Variants in SHLD2 observed in about 807,000 individuals in gnomAD.
The protein encoded by SHLD2 is RINN1-REV7-interacting novel NHEJ regulator 2.
Under a neutral mutation model 73.2 loss-of-function variants are expected in SHLD2, and 30 were observed. That is an observed-to-expected ratio of 0.41 (90% CI 0.31 to 0.56). The LOEUF (loss-of-function observed/expected upper bound fraction) is 0.56, where lower values mean the gene tolerates loss of function less well. SHLD2 is among the 20% of genes least tolerant of loss of function. The pLI, the probability that SHLD2 is intolerant of heterozygous loss-of-function variation, is 0.28. For synonymous variants in SHLD2, 285 were observed against 370.1 expected (o/e 0.77, Z 2.64); for missense variants, 745 against 1,055.9 (o/e 0.71, Z 4.08).
chr10:87,128,089 T>C lies in SHLD2; in HGVS notation c.-5-23261T>C, dbSNP rs570006523. On this transcript the variant is annotated intron_variant, in intron 2 of 9. Coordinates refer to ENST00000298786, the MANE Select transcript of SHLD2 (RefSeq NM_001330112.2). ...TAATTTTTTTTCCCCTCAAATGTTA[T>C]ACAGTTTAATGAGTCAAGTGGTCTT... Among the ~76,000 whole-genome samples the C allele has an allele frequency of 3.9e-5, 6 of 152,284 alleles. No individual in the cohort carries two copies. The East Asian group carries it at 9.7e-4, about 25-fold the overall frequency.
In SHLD2 at chr10:87,170,836, C is replaced by T. The variant is rs1847548341; in HGVS notation, c.1829-4C>T. On this transcript the variant is annotated splice_region_variant and splice_polypyrimidine_tract_variant and intron_variant, in intron 5 of 9. Coordinates refer to ENST00000298786, the MANE Select transcript of SHLD2 (RefSeq NM_001330112.2). The stretch of plus-strand genomic sequence containing the variant: ...CAACTAAGGTACTCATTTTCCTTTT[C>T]CAGAGGCAGTATACAGTTATAGAGG... The T allele has an allele frequency of 1.2e-6, 2 of 1,611,798 alleles. No individual in the cohort carries two copies.
chr10:87,114,219 T>C (rs1420054818), intron 2 of SHLD2: 1 of 152,210 alleles, frequency 6.6e-6, no homozygotes, highest in African/African-American at 2.4e-5. Context: ...GAGAATACTC[T>C]GTTACTACCT....
chr10:87,111,716 A>C (rs978543389), intron 2 of SHLD2, among the ~76,000 whole-genome samples: 2 of 150,328 alleles, frequency 1.3e-5, no homozygotes, highest in African/African-American at 4.9e-5. Flanking sequence ...GGGCTCAAGC[A>C]ACCTGCCTGC....
intron 7 of SHLD2, among the ~76,000 whole-genome samples, chr10:87,178,235 CAAAAAAAAAA>C (rs71019476): frequency 3.5e-4 from 11 of 31,040 alleles, no homozygotes; most frequent in South Asian, 1.8e-3. Context: ...TACTCTGTCT[CAAAAAAAAAA>C]AAAAAAAAAA....
intron 2 of SHLD2, among the ~76,000 whole-genome samples, chr10:87,109,396 TCAA>T (rs1448074070): frequency 3.9e-5 from 6 of 151,982 alleles, no homozygotes; most frequent in Non-Finnish European, 7.4e-5. Flanking sequence ...CCTCCTAGAT[TCAA>T]GCGATTCTCC....
At chr10:87,143,427 C>T (rs114304554) in intron 2 of SHLD2, among the ~76,000 whole-genome samples, 5,105 of 152,242 alleles carry the variant, frequency 0.034, 223 homozygotes, top group Admixed American at 0.11. Flanking sequence ...TTACACAGAC[C>T]TGGCAGCCAT....
intron 3 of SHLD2, among the ~76,000 whole-genome samples, chr10:87,156,317 G>A (rs1272702102): frequency 3.3e-5 from 5 of 151,946 alleles, no homozygotes; most frequent in Non-Finnish European, 5.9e-5. Context: ...TGCCCACCTC[G>A]GCCTCCCAAA....
At chr10:87,132,481 A>G (rs1844497982) in intron 2 of SHLD2, among the ~76,000 whole-genome samples, 1 of 152,208 alleles carries the variant, frequency 6.6e-6, no homozygotes, top group African/African-American at 2.4e-5. Flanking sequence ...ATTAATATTA[A>G]AGATTATATT....
At chr10:87,118,933 C>T (rs1843418344) in intron 2 of SHLD2, among the ~76,000 whole-genome samples, 1 of 152,062 alleles carries the variant, frequency 6.6e-6, no homozygotes, top group African/African-American at 2.4e-5. Context: ...CTTGTTTCTT[C>T]CTCTAAAAAG....
intron 2 of SHLD2, among the ~76,000 whole-genome samples, chr10:87,132,233 TTGG>T: frequency 1.3e-5 from 2 of 152,220 alleles, no homozygotes; most frequent in Admixed American, 6.5e-5. Flanking sequence ...GATGTCAGAA[TTGG>T]TGTCATTTGT....
At chr10:87,127,542 C>CGCCCCCCG (rs1264990917) in intron 2 of SHLD2, among the ~76,000 whole-genome samples, 5 of 81,476 alleles carry the variant, frequency 6.1e-5, no homozygotes, top group South Asian at 3.9e-4. Context: ...CCCCCCCACC[C>CGCCCCCCG]CGTCTGCCAC....
At position 87,151,849 on chromosome 10, in the gene SHLD2, A is replaced by G. The variant is rs754811742; in HGVS notation, c.495A>G (p.Thr165=). 1.2e-6 allele frequency: 2 copies of G among 1,611,710 alleles called. No individual in the cohort carries two copies. Among genetic ancestry groups the G allele is most frequent in the South Asian group, 2.2e-5 (2 of 90,978 alleles). The change falls in exon 3 of 10, where the codon ACA becomes ACG. Residue 165 remains threonine, a synonymous_variant. Coordinates refer to ENST00000298786, the MANE Select transcript of SHLD2 (RefSeq NM_001330112.2). ...ATATATGTGGTAAGAACTTTAACAC[A>G]AATTTGTTTCAGTTGGGCCATAAAT... The part of the protein sequence containing the change: ...QPDICGKNFN[T]NLFQLGHKCA...
At chr10:87,161,250 A>T (rs1165190001) in intron 4 of SHLD2, among the ~76,000 whole-genome samples, 1 of 151,988 alleles carries the variant, frequency 6.6e-6, no homozygotes, top group African/African-American at 2.4e-5. Flanking sequence ...CCAGGAATTC[A>T]AGACCAGCCT....
At chr10:87,155,035 C>G (rs1263011857) in intron 3 of SHLD2, among the ~76,000 whole-genome samples, 1 of 152,066 alleles carries the variant, frequency 6.6e-6, no homozygotes, top group Non-Finnish European at 1.5e-5. Flanking sequence ...CCCGGGTTCA[C>G]GCCATTTTCC....
chr10:87,095,538 C>T (rs1056606131), intron 1 of SHLD2, among the ~76,000 whole-genome samples: 1 of 152,184 alleles, frequency 6.6e-6, no homozygotes, highest in Non-Finnish European at 1.5e-5. Flanking sequence ...AGAGCCGCCG[C>T]CGCGTAAGGC....
intron 1 of SHLD2, among the ~76,000 whole-genome samples, chr10:87,096,316 A>AT (rs1841882100): frequency 6.6e-6 from 1 of 151,748 alleles, no homozygotes; most frequent in African/African-American, 2.4e-5. Context: ...GAATGCTGGG[A>AT]TTACAGACGT....
intron 2 of SHLD2, among the ~76,000 whole-genome samples, chr10:87,128,941 C>T (rs867081036): frequency 2.0e-5 from 3 of 152,112 alleles, no homozygotes; most frequent in African/African-American, 4.8e-5. Flanking sequence ...ATCCCACTCT[C>T]GCCCAGGCTG....
Position 87,144,616 on chromosome 10 carries a change from A to ATTTTTTT in SHLD2, c.-5-6712_-5-6706dup, listed in dbSNP as rs548218721. On this transcript the variant is annotated intron_variant, in intron 2 of 9. Coordinates refer to ENST00000298786, the MANE Select transcript of SHLD2 (RefSeq NM_001330112.2). Reference sequence around the variant, plus strand: ...TAAATTTAGGTACAAGCATTTACTAATTTTTTTTTTTTTTTTTTTTTTTTT... The same window carrying ATTTTTTT: ...TAAATTTAGGTACAAGCATTTACTAATTTTTTTTTTTTTTTTTTTTTTTTTTTTTTTT... Among the ~76,000 whole-genome samples, 154 of 89,478 alleles carry ATTTTTTT rather than the reference A, an allele frequency of 1.7e-3. 4 individuals are homozygous for ATTTTTTT. Among genetic ancestry groups the ATTTTTTT allele is most frequent in the Non-Finnish European group, 2.1e-3 (107 of 50,366 alleles). The allele number at this position is 89,478 out of a possible 152,430, so 58.7% of individuals were successfully genotyped here.
chr10:87,112,689 A>G (rs1461923527), intron 2 of SHLD2, among the ~76,000 whole-genome samples: 6 of 150,920 alleles, frequency 4.0e-5, no homozygotes, highest in African/African-American at 1.2e-4. Context: ...CACACCCACT[A>G]GAATGACTAT....
Sources: gnomAD v4.1 joint callset for allele counts (sites outside exome capture counted in the v4.1 genomes callset) on GRCh38, gnomAD v4.1.1 for gene constraint, MANE v1.5 for transcripts, NCBI Gene and HGNC (gene_info 2026-07-23, HGNC 2026-07-21) for gene names.